The following GLRA1 variants were observed in gnomAD, a reference collection of about 807,000 sequenced individuals.
GLRA1 encodes the protein glycine receptor alpha 1, also known as glycine receptor subunit alpha-1.
GLRA1 carries 37 observed loss-of-function variants against 48.3 expected under a neutral mutation model. That is an observed-to-expected ratio of 0.77 (90% CI 0.59 to 1.01). GLRA1 has a LOEUF of 1.01. Among genes scored for constraint, GLRA1 ranks in the 50% least tolerant of loss-of-function variants. The pLI, the probability that GLRA1 is intolerant of heterozygous loss-of-function variation, is 0.00. For synonymous variants in GLRA1, 196 were observed against 210.7 expected (o/e 0.93, Z 0.60); for missense variants, 427 against 571.0 (o/e 0.75, Z 2.57).
intron 7 of GLRA1, among the ~76,000 whole-genome samples, chr5:151,840,851 A>C (rs1375731806): frequency 1.3e-5 from 2 of 152,162 alleles, no homozygotes; most frequent in Non-Finnish European, 2.9e-5. Context: ...ATAAACATCT[A>C]TGCATCTAAC....
At chr5:151,840,754 A>G (rs1049819021) in intron 7 of GLRA1, among the ~76,000 whole-genome samples, 1 of 151,288 alleles carries the variant, frequency 6.6e-6, no homozygotes, top group South Asian at 2.1e-4. Flanking sequence ...CCACAAACAA[A>G]CCAGTCTTTA....
intron 4 of GLRA1, 118 bp from the exon 5 acceptor site, chr5:151,856,501 TTG>T: frequency 2.9e-6 from 2 of 688,980 alleles, no homozygotes; most frequent in Non-Finnish European, 5.4e-6. Context: ...GTCAGGGAAC[TTG>T]TGTTTGTTTT....
chr5:151,913,368 G>A (rs910639177), intron 1 of GLRA1, among the ~76,000 whole-genome samples: 1 of 152,184 alleles, frequency 6.6e-6, no homozygotes, highest in Non-Finnish European at 1.5e-5. Flanking sequence ...GATTTATGGA[G>A]AGTATAGGGC....
chr5:151,908,741 A>G lies in GLRA1; in HGVS notation c.56+15753T>C, dbSNP rs12110229. ...CTTCTTAATCCCATAATGTTAAATG[A>G]AAACAAAATCAGGATTTTGGGTAGA... On this transcript the variant is annotated intron_variant, in intron 1 of 8. Coordinates refer to ENST00000274576, the MANE Select transcript of GLRA1 (RefSeq NM_000171.4). Among the ~76,000 whole-genome samples, 1,516 of 152,282 alleles carry G rather than the reference A, an allele frequency of 1.0e-2. 28 individuals are homozygous for G. Among genetic ancestry groups the G allele is most frequent in the African/African-American group, 0.035 (1,436 of 41,540 alleles).
intron 7 of GLRA1, among the ~76,000 whole-genome samples, chr5:151,847,589 C>T (rs372184016): frequency 5.9e-5 from 9 of 152,060 alleles, no homozygotes; most frequent in South Asian, 2.1e-4. Context: ...CATGACGGCG[C>T]GTGCCTGTAG....
intron 2 of GLRA1, among the ~76,000 whole-genome samples, chr5:151,889,272 G>C (rs1753996203): frequency 3.9e-5 from 6 of 152,238 alleles, no homozygotes; most frequent in Admixed American, 3.9e-4. Context: ...AAATGTTAAA[G>C]TTTAATTTTG....
intron 3 of GLRA1, among the ~76,000 whole-genome samples, chr5:151,866,175 G>T (rs532072623): frequency 9.9e-5 from 15 of 152,138 alleles, no homozygotes; most frequent in African/African-American, 3.6e-4. Flanking sequence ...ATTCAACAGT[G>T]TTCAGCATCA....
At chr5:151,878,153 C>A (rs1753673241) in intron 3 of GLRA1, among the ~76,000 whole-genome samples, 1 of 152,098 alleles carries the variant, frequency 6.6e-6, no homozygotes, top group Non-Finnish European at 1.5e-5. Flanking sequence ...CTGAGGTGGT[C>A]TCAGATGGAG....
At chr5:151,920,280 A>G (rs1048766259) in intron 1 of GLRA1, among the ~76,000 whole-genome samples, 3 of 152,204 alleles carry the variant, frequency 2.0e-5, no homozygotes, top group Admixed American at 1.3e-4. Context: ...GATTGGTAAG[A>G]AAATTGAGTC....
intron 7 of GLRA1, among the ~76,000 whole-genome samples, chr5:151,849,451 C>A (rs1394434443): frequency 9.9e-5 from 2 of 20,252 alleles, no homozygotes; most frequent in Non-Finnish European, 1.8e-4. Context: ...CTTTCCTTTC[C>A]TTTCCTTCCT....
intron 7 of GLRA1, among the ~76,000 whole-genome samples, chr5:151,837,503 A>G (rs1763606433): frequency 6.6e-6 from 1 of 152,226 alleles, no homozygotes; most frequent in Non-Finnish European, 1.5e-5. Context: ...CTATAAAGAC[A>G]CATGCACACG....
intron 1 of GLRA1, among the ~76,000 whole-genome samples, chr5:151,906,878 A>G (rs960676603): frequency 6.6e-6 from 1 of 152,190 alleles, no homozygotes; most frequent in Admixed American, 6.5e-5. Context: ...CCAAGTGACT[A>G]GGGAAGACCT....
chr5:151,862,910 C>A (rs1017459016), intron 3 of GLRA1, among the ~76,000 whole-genome samples: 1 of 152,140 alleles, frequency 6.6e-6, no homozygotes. Flanking sequence ...CAATGTCACT[C>A]TGAAAATGTA....
At chr5:151,827,627 C>T (rs1328955034) in intron 8 of GLRA1, among the ~76,000 whole-genome samples, 1 of 152,204 alleles carries the variant, frequency 6.6e-6, no homozygotes, top group Non-Finnish European at 1.5e-5. Context: ...GGTCCTTTGT[C>T]ACAGCACATT....
Position 151,844,562 on chromosome 5 carries a change from C to T in GLRA1, c.912+6828G>A, listed in dbSNP as rs536895016. Among the ~76,000 whole-genome samples the T allele has an allele frequency of 4.0e-5, 5 of 125,728 alleles. No individual in the cohort carries two copies. The South Asian group carries it at 8.0e-4, about 20-fold the overall frequency. 82.5% of individuals were successfully genotyped at this position (125,728 alleles called of 152,430 possible). A position where few individuals can be genotyped will look rare whatever the true frequency, so the allele number is the denominator to read the frequency against. ...TCTTGCACCTGGGAGGGAGAGGTTA[C>T]GGTGAGCTGAGATTGTGCCACTGCA... On this transcript the variant is annotated intron_variant, in intron 7 of 8. Coordinates refer to ENST00000274576, the MANE Select transcript of GLRA1 (RefSeq NM_000171.4).
intron 7 of GLRA1, among the ~76,000 whole-genome samples, chr5:151,842,210 C>T (rs554130692): frequency 6.6e-6 from 1 of 152,194 alleles, no homozygotes; most frequent in South Asian, 2.1e-4. Flanking sequence ...ACAAATCCTT[C>T]TTATACTCTC....
chr5:151,898,343 C>T (rs1002996975), intron 1 of GLRA1, among the ~76,000 whole-genome samples: 5 of 152,004 alleles, frequency 3.3e-5, no homozygotes, highest in African/African-American at 1.2e-4. Flanking sequence ...CAACCTGTTT[C>T]TCAAGGTTTA....
intron 4 of GLRA1, among the ~76,000 whole-genome samples, chr5:151,858,354 C>T (rs1753102519): frequency 6.6e-6 from 1 of 152,186 alleles, no homozygotes; most frequent in Non-Finnish European, 1.5e-5. Context: ...GGGCAGCTGT[C>T]ACACTGGGTT....
intron 8 of GLRA1, among the ~76,000 whole-genome samples, chr5:151,828,686 G>A (rs1763338652): frequency 6.6e-6 from 1 of 152,172 alleles, no homozygotes; most frequent in Non-Finnish European, 1.5e-5. Flanking sequence ...GGTATAACTT[G>A]ATAATTTCTG....
Sources: gnomAD v4.1 joint callset for allele counts (sites outside exome capture counted in the v4.1 genomes callset) on GRCh38, gnomAD v4.1.1 for gene constraint, MANE v1.5 for transcripts, NCBI Gene and HGNC (gene_info 2026-07-23, HGNC 2026-07-21) for gene names.